Variants in SEC23A observed in about 807,000 individuals in gnomAD.
SEC23A encodes protein transport protein Sec23A.
A neutral mutation model predicts 103.7 loss-of-function variants in SEC23A; 56 were observed. The observed-to-expected ratio is 0.54, with a 90% CI of 0.44 to 0.67. SEC23A has a LOEUF of 0.67. SEC23A is among the 30% of genes least tolerant of loss of function. SEC23A has a pLI of 0.00. For synonymous variants in SEC23A, 281 were observed against 293.0 expected, an observed-to-expected ratio of 0.96 and a Z score of 0.42; for missense variants, 784 against 936.4, an observed-to-expected ratio of 0.84 and a Z score of 2.12.
chr14:39,102,113 T>C (rs1888121364), intron 1 of SEC23A, among the ~76,000 whole-genome samples: 1 of 151,804 alleles, frequency 6.6e-6, no homozygotes, highest in Non-Finnish European at 1.5e-5. Flanking sequence ...GCCCCTGTAA[T>C]CCCAGCTACT....
rs955638425 is a variant in SEC23A, at chr14:39,075,791, G to A, written c.987+144C>T. On this transcript the variant is annotated intron_variant, in intron 8 of 19. Transcript: ENST00000307712. ...TTACAACAAATTATCAAGAAAAAATGAATATTTCTCCAATTCTGAATACCA... is the reference window on the plus strand; with the variant it reads ...TTACAACAAATTATCAAGAAAAAATAAATATTTCTCCAATTCTGAATACCA... The A allele has an allele frequency of 3.4e-5, 24 of 715,956 alleles. 1 individual carries two copies. The highest frequency in any genetic ancestry group is 7.5e-4 in the Middle Eastern group (2 of 2,658). 44.4% of individuals were successfully genotyped at this position (715,956 alleles called of 1,614,324 possible).
chr14:39,100,977 G>C (rs1011063513), intron 1 of SEC23A, among the ~76,000 whole-genome samples: 1 of 151,776 alleles, frequency 6.6e-6, no homozygotes, highest in African/African-American at 2.4e-5. Context: ...CCCAGTAGCT[G>C]GGATTACAGG....
chr14:39,050,162 T>C (rs1029757053), intron 14 of SEC23A, among the ~76,000 whole-genome samples: 3 of 152,034 alleles, frequency 2.0e-5, no homozygotes, highest in Admixed American at 6.6e-5. Context: ...AAAACACTAA[T>C]ACCGGTGGAA....
At position 39,074,351 on chromosome 14, in the gene SEC23A, T is replaced by G. The variant is rs938068982; in HGVS notation, c.1103+64A>C. On this transcript the variant is annotated intron_variant, in intron 9 of 19. Transcript: ENST00000307712. ...CTTTTCCCTAAATGGTCATTATTGG[T>G]TTATATCAGTAAATGTCATCATTTG... 26 of 1,029,804 alleles carry G rather than the reference T, an allele frequency of 2.5e-5. No individual in the cohort carries two copies. The African/African-American group carries it at 3.8e-4, about 15-fold the overall frequency. 63.8% of individuals were successfully genotyped at this position (1,029,804 alleles called of 1,614,324 possible).
chr14:39,094,363 CATAT>C lies in SEC23A; in HGVS notation c.222-1123_222-1120del, dbSNP rs201744323. ...ATATATATGCATATATACACATATACATATATATATACACACACACACACACACA... is the reference window on the plus strand; with the variant it reads ...ATATATATGCATATATACACATATACATATATACACACACACACACACACA... On this transcript the variant is annotated intron_variant, in intron 2 of 19. Transcript: ENST00000307712. Among the ~76,000 whole-genome samples, 26 of 43,086 alleles carry C rather than the reference CATAT, an allele frequency of 6.0e-4. 3 individuals carry two copies. Among genetic ancestry groups the C allele is most frequent in the African/African-American group, 1.1e-3 (10 of 9,164 alleles). 28.3% of individuals were successfully genotyped at this position (43,086 alleles called of 152,430 possible).
At chr14:39,102,286 A>G (rs1048720320) in intron 1 of SEC23A, among the ~76,000 whole-genome samples, 5 of 152,182 alleles carry the variant, frequency 3.3e-5, no homozygotes, top group Non-Finnish European at 7.3e-5. Flanking sequence ...CTACCAGAGG[A>G]GAAAGAGAAG....
intron 10 of SEC23A, 71 bp downstream of exon 10, chr14:39,067,102 T>C: frequency 6.4e-7 from 1 of 1,567,828 alleles, no homozygotes; most frequent in Non-Finnish European, 8.8e-7. Context: ...TTAATGGCAT[T>C]TTAGAATTAC....
intron 2 of SEC23A, 111 bp downstream of exon 2, chr14:39,095,787 T>G (rs1887865885): frequency 1.1e-6 from 1 of 896,768 alleles, no homozygotes; most frequent in Non-Finnish European, 1.8e-6. Flanking sequence ...TGTCCTAATT[T>G]GAAAAAATTA....
At chr14:39,067,990 G>C (rs926977170) in intron 9 of SEC23A, among the ~76,000 whole-genome samples, 1 of 151,916 alleles carries the variant, frequency 6.6e-6, no homozygotes, top group Admixed American at 6.6e-5. Context: ...TTAAAAACAA[G>C]TATGTGTGTG....
At position 39,045,236 on chromosome 14, in the gene SEC23A, C is replaced by G. The variant is rs748835653; in HGVS notation, c.1826G>C (p.Arg609Pro). 1 of 1,613,244 alleles carries G rather than the reference C, an allele frequency of 6.2e-7. No individual in the cohort carries two copies. Among genetic ancestry groups the G allele is most frequent in the Non-Finnish European group, 8.5e-7 (1 of 1,179,530 alleles). The change falls in exon 16 of 20, where the codon CGT becomes CCT. Residue 609 changes from arginine (R) to proline (P), a missense_variant. Transcript: ENST00000307712. Reference sequence around the variant, plus strand: ...AATTAGAGACTGGGTCAGATCTTGACGCATAAAATGGTGACGATAATATGA... The same window carrying G: ...AATTAGAGACTGGGTCAGATCTTGAGGCATAAAATGGTGACGATAATATGA... ...ESSYYRHHFM[R>P]QDLTQSLIMI...
intron 9 of SEC23A, among the ~76,000 whole-genome samples, chr14:39,069,191 A>G (rs997192979): frequency 1.1e-4 from 17 of 152,124 alleles, no homozygotes; most frequent in African/African-American, 4.1e-4. Flanking sequence ...AAATCCAACT[A>G]CTTCCCACCA....
At position 39,048,699 on chromosome 14, in the gene SEC23A, C is replaced by A; in HGVS notation, c.1690G>T (p.Asp564Tyr). 1 of 1,590,952 alleles carries A rather than the reference C, an allele frequency of 6.3e-7. No individual in the cohort carries two copies. The highest frequency in any genetic ancestry group is 8.6e-7 in the Non-Finnish European group (1 of 1,159,188). Residue 564 changes from aspartate (D) to tyrosine (Y), a missense_variant, in exon 15 of 20, where the codon GAC becomes TAC. By Grantham distance (160) the Asp-to-Tyr change is radical. Around this residue, in one of 2 missense-constraint regions of SEC23A, gnomAD observed 683 missense variants for 774.2 expected, o/e 0.88. Transcript: ENST00000307712. ...TCTGAAAATCTGAAGGAACTTGGGTCATCTTTATGATATTCTCCAAATTTC... is the reference window on the plus strand; with the variant it reads ...TCTGAAAATCTGAAGGAACTTGGGTAATCTTTATGATATTCTCCAAATTTC... ...CQKFGEYHKD[D>Y]PSSFRFSETF...
chr14:39,046,692 C>T (rs1885850416), intron 15 of SEC23A, among the ~76,000 whole-genome samples: 1 of 152,180 alleles, frequency 6.6e-6, no homozygotes, highest in Admixed American at 6.5e-5. Context: ...TTTTGTTTCA[C>T]TGCTTCTTTC....
chr14:39,038,501 C>T (rs1885530908), intron 19 of SEC23A, among the ~76,000 whole-genome samples: 1 of 152,080 alleles, frequency 6.6e-6, no homozygotes, highest in Non-Finnish European at 1.5e-5. Context: ...ATATGTTATA[C>T]CAAGAGGTTA....
At chr14:39,092,838 T>G in intron 3 of SEC23A, 6 of 533,748 alleles carry the variant, frequency 1.1e-5, no homozygotes, top group South Asian at 6.9e-5. Flanking sequence ...GTTTTATGGG[T>G]TTTTTTTCAT....
intron 9 of SEC23A, among the ~76,000 whole-genome samples, chr14:39,073,131 C>T (rs982502956): frequency 1.1e-4 from 16 of 152,238 alleles, no homozygotes; most frequent in Admixed American, 2.6e-4. Flanking sequence ...TGTGGTGTAT[C>T]CATCAAATGG....
intron 9 of SEC23A, among the ~76,000 whole-genome samples, chr14:39,067,881 G>A (rs1305355557): frequency 6.6e-6 from 1 of 151,836 alleles, no homozygotes; most frequent in Non-Finnish European, 1.5e-5. Context: ...TGTTGCCCAG[G>A]TTGGTCTTGA....
intron 7 of SEC23A, 103 bp downstream of exon 7, chr14:39,085,659 T>A: frequency 6.9e-7 from 1 of 1,440,330 alleles, no homozygotes; most frequent in Non-Finnish European, 9.6e-7. Context: ...AAAAAAGCAC[T>A]TTGGTTCTTC....
chr14:39,073,777 T>C (rs1886919822), intron 9 of SEC23A, among the ~76,000 whole-genome samples: 1 of 151,542 alleles, frequency 6.6e-6, no homozygotes, highest in South Asian at 2.1e-4. Flanking sequence ...GCCCACCTAA[T>C]TTTTGTATTT....
Sources: allele counts gnomAD v4.1 joint callset (sites outside exome capture counted in the v4.1 genomes callset), GRCh38; gene constraint gnomAD v4.1.1; regional missense constraint gnomAD v4.1.1; transcripts MANE v1.5; gene names NCBI Gene and HGNC (gene_info 2026-07-23, HGNC 2026-07-21).